Variants in PALS1 observed in about 807,000 individuals in gnomAD.
PALS1 encodes protein associated with LIN7 1, MAGUK p55 family member.
A neutral mutation model predicts 78.9 loss-of-function variants in PALS1; 31 were observed. That is an observed-to-expected ratio of 0.39 (90% confidence interval 0.30 to 0.53). PALS1 has a LOEUF of 0.53. Among genes scored for constraint, PALS1 ranks in the 20% least tolerant of loss-of-function variants. PALS1 has a pLI of 0.67. For synonymous variants in PALS1, 276 were observed against 270.9 expected, an observed-to-expected ratio of 1.02 and a Z score of -0.18; for missense variants, 704 against 826.5, an observed-to-expected ratio of 0.85 and a Z score of 1.82.
chr14:67,270,972 A>G (rs1306941924), intron 2 of PALS1: 1 of 152,236 alleles, frequency 6.6e-6, no homozygotes, highest in Non-Finnish European at 1.5e-5. Flanking sequence ...TGGGATAGAC[A>G]CAAATGAGGA....
chr14:67,241,520 G>C lies in PALS1; in HGVS notation c.-250G>C, dbSNP rs897105953. On this transcript the variant is annotated 5_prime_UTR_variant, in exon 1 of 15. Coordinates refer to ENST00000261681, the MANE Select transcript of PALS1 (RefSeq NM_022474.4). ...CGGCCGGGGCGGGAGGCTCCGCGGA[G>C]CCGAGGCGTGGAGGTAAGAGGCGGA... is the stretch of plus-strand genomic sequence containing the variant. The C allele has an allele frequency of 6.5e-6, 1 of 153,378 alleles. No individual in the cohort carries two copies. Among genetic ancestry groups the C allele is most frequent in the Admixed American group, 6.5e-5 (1 of 15,304 alleles). The allele number at this position is 153,378 out of a possible 1,614,324, so 9.5% of individuals were successfully genotyped here.
intron 8 of PALS1, among the ~76,000 whole-genome samples, chr14:67,308,329 CT>C (rs1282767114): frequency 3.6e-5 from 4 of 112,484 alleles, no homozygotes; most frequent in East Asian, 5.3e-4. Context: ...TTTTTTTTTT[CT>C]TTTTTTTCTC....
intron 3 of PALS1, 47 bp downstream of exon 3, chr14:67,279,584 T>C: frequency 6.7e-7 from 1 of 1,482,714 alleles, no homozygotes; most frequent in Non-Finnish European, 9.0e-7. Context: ...CTTTAATTTA[T>C]CTGTGCCTTA....
At chr14:67,299,923 G>A (rs1256944470) in intron 4 of PALS1, among the ~76,000 whole-genome samples, 1 of 152,156 alleles carries the variant, frequency 6.6e-6, no homozygotes, top group Non-Finnish European at 1.5e-5. Flanking sequence ...AAAGGTGTAT[G>A]ATCAAGACTA....
chr14:67,302,140 T>A (rs752098892), intron 6 of PALS1, 22 bp downstream of exon 6: 1 of 1,572,068 alleles, frequency 6.4e-7, no homozygotes, highest in South Asian at 1.2e-5. Flanking sequence ...ACATACTGTT[T>A]TTAAACAAGT....
chr14:67,288,758 T>G (rs1160532741), intron 3 of PALS1, among the ~76,000 whole-genome samples: 2 of 152,160 alleles, frequency 1.3e-5, no homozygotes, highest in African/African-American at 4.8e-5. Context: ...TCTTCCTATC[T>G]ATTCTTAATA....
chr14:67,257,638 AC>A (rs1204874454), intron 1 of PALS1, among the ~76,000 whole-genome samples: 1 of 152,178 alleles, frequency 6.6e-6, no homozygotes, highest in Non-Finnish European at 1.5e-5. Flanking sequence ...CATAGAACAT[AC>A]ACACGTATTT....
intron 7 of PALS1, 80 bp from the exon 8 acceptor site, chr14:67,303,442 T>A: frequency 8.7e-7 from 1 of 1,142,858 alleles, no homozygotes; most frequent in Non-Finnish European, 1.3e-6. Context: ...ATAGTCCAGT[T>A]TAGGGAATAT....
At chr14:67,315,003 G>A (rs1269927528) in intron 9 of PALS1, among the ~76,000 whole-genome samples, 4 of 152,144 alleles carry the variant, frequency 2.6e-5, no homozygotes, top group African/African-American at 7.2e-5. Flanking sequence ...AGCTATTCAG[G>A]AGGCTGAGGT....
intron 8 of PALS1, among the ~76,000 whole-genome samples, chr14:67,305,961 C>A (rs1566566317): frequency 6.6e-6 from 1 of 152,122 alleles, no homozygotes; most frequent in Non-Finnish European, 1.5e-5. Context: ...ACATCTATCC[C>A]TTTTAAAATG....
chr14:67,296,213 C>T (rs192994247), intron 4 of PALS1, among the ~76,000 whole-genome samples: 8 of 152,212 alleles, frequency 5.3e-5, no homozygotes, highest in African/African-American at 1.4e-4. Flanking sequence ...GAGGAAAAGG[C>T]ATTCCATGCT....
chr14:67,283,370 TTTGA>T (rs1446791304), intron 3 of PALS1, among the ~76,000 whole-genome samples: 1 of 152,204 alleles, frequency 6.6e-6, no homozygotes, highest in Non-Finnish European at 1.5e-5. Context: ...TTAACTGACT[TTTGA>T]TTGATCATGG....
chr14:67,317,551 T>C (rs2085196202), intron 11 of PALS1, 72 bp downstream of exon 11: 1 of 952,934 alleles, frequency 1.0e-6, no homozygotes, highest in East Asian at 2.6e-5. Flanking sequence ...TTTTGCACCT[T>C]AATGTTAAAT....
Position 67,332,971 on chromosome 14 carries a change from C to CTG in PALS1, c.*18_*19dup, listed in dbSNP as rs1289491802. 6 of 1,593,036 alleles carry CTG rather than the reference C, an allele frequency of 3.8e-6. No homozygotes were observed. The South Asian group carries it at 6.7e-5, about 18-fold the overall frequency. On this transcript the variant is annotated 3_prime_UTR_variant, in exon 15 of 15. Coordinates refer to ENST00000261681, the MANE Select transcript of PALS1 (RefSeq NM_022474.4). ...GGCTGAGGTGAAAGAAACATCCATT[C>CTG]TGTGGCATGTTGGACTTGATCTGGC...
chr14:67,324,375 T>C (rs1428745786), intron 14 of PALS1, among the ~76,000 whole-genome samples: 1 of 152,214 alleles, frequency 6.6e-6, no homozygotes, highest in Non-Finnish European at 1.5e-5. Flanking sequence ...ATATGTAAGA[T>C]GGTAACTCTG....
At chr14:67,289,915 C>A (rs2084748704) in intron 3 of PALS1, among the ~76,000 whole-genome samples, 1 of 151,862 alleles carries the variant, frequency 6.6e-6, no homozygotes, top group Non-Finnish European at 1.5e-5. Flanking sequence ...GGACTACAGG[C>A]ACCCACCACC....
chr14:67,296,774 A>G (rs934316131), intron 4 of PALS1, among the ~76,000 whole-genome samples: 6 of 152,114 alleles, frequency 3.9e-5, no homozygotes, highest in African/African-American at 1.4e-4. Context: ...TTGCTCTGTC[A>G]CCCAGGCTGC....
intron 1 of PALS1, among the ~76,000 whole-genome samples, chr14:67,250,577 C>T (rs932920556): frequency 6.6e-6 from 1 of 152,242 alleles, no homozygotes; most frequent in African/African-American, 2.4e-5. Flanking sequence ...GTCATCTGGG[C>T]CCTTCCTCTG....
At chr14:67,269,510 TA>T (rs933447241) in intron 1 of PALS1, among the ~76,000 whole-genome samples, 190 bp from the exon 2 acceptor site, 2 of 152,140 alleles carry the variant, frequency 1.3e-5, no homozygotes, top group African/African-American at 4.8e-5. Context: ...TACAACAACA[TA>T]AATTTTTAAA....
Sources: allele counts gnomAD v4.1 joint callset (sites outside exome capture counted in the v4.1 genomes callset), GRCh38; gene constraint gnomAD v4.1.1; transcripts MANE v1.5; gene names NCBI Gene and HGNC (gene_info 2026-07-23, HGNC 2026-07-21).